The following ZCCHC24 variants were observed in gnomAD, a reference collection of about 807,000 sequenced individuals.
The protein encoded by ZCCHC24 is zinc finger CCHC-type containing 24.
ZCCHC24 carries 10 observed loss-of-function variants against 26.2 expected under a neutral mutation model. That is an observed-to-expected ratio of 0.38 (90% CI 0.24 to 0.65). The LOEUF (loss-of-function observed/expected upper bound fraction) is 0.65. Ranked by LOEUF, ZCCHC24 falls within the 30% of genes least tolerant of loss-of-function variation. The pLI is 0.54. For synonymous variants in ZCCHC24, 144 were observed against 147.1 expected (o/e 0.98, Z 0.15); for missense variants, 243 against 329.1 (o/e 0.74, Z 2.03).
intron 2 of ZCCHC24, among the ~76,000 whole-genome samples, chr10:79,410,991 C>T (rs1365490370): frequency 1.3e-5 from 2 of 152,174 alleles, no homozygotes; most frequent in Admixed American, 1.3e-4. Context: ...CATGGTTGCC[C>T]TGGCTCTGAC....
chr10:79,390,009 A>G (rs866880549), intron 3 of ZCCHC24, among the ~76,000 whole-genome samples: 1 of 152,292 alleles, frequency 6.6e-6, no homozygotes, highest in African/African-American at 2.4e-5. Flanking sequence ...GACCACAGGC[A>G]TGCACCACCA....
intron 2 of ZCCHC24, among the ~76,000 whole-genome samples, chr10:79,432,155 G>A (rs1469699771): frequency 6.6e-6 from 1 of 152,232 alleles, no homozygotes; most frequent in East Asian, 1.9e-4. Flanking sequence ...CTGGATTCCT[G>A]GCCCAGAGCC....
At chr10:79,398,042 C>T (rs537146337) in intron 2 of ZCCHC24, among the ~76,000 whole-genome samples, 8 of 152,212 alleles carry the variant, frequency 5.3e-5, no homozygotes, top group African/African-American at 7.2e-5. Flanking sequence ...GAAAAGCAGC[C>T]GTCTGGAGCC....
At chr10:79,427,358 A>T (rs1040024857) in intron 2 of ZCCHC24, among the ~76,000 whole-genome samples, 1 of 152,198 alleles carries the variant, frequency 6.6e-6, no homozygotes, top group South Asian at 2.1e-4. Flanking sequence ...GACATCTATA[A>T]AACACTCCAC....
intron 3 of ZCCHC24, among the ~76,000 whole-genome samples, chr10:79,392,264 C>T (rs1856489362): frequency 2.0e-5 from 3 of 152,180 alleles, no homozygotes. Flanking sequence ...AGGCTGATGC[C>T]TGCCACTGCA....
Position 79,384,899 on chromosome 10 carries a change from A to G in ZCCHC24, c.*1446T>C, listed in dbSNP as rs1283496798. 6.6e-6 allele frequency: 1 copy of G among 152,432 alleles called. No homozygotes were observed. The highest frequency in any genetic ancestry group is 1.5e-5 in the Non-Finnish European group (1 of 68,032). 9.4% of individuals were successfully genotyped at this position (152,432 alleles called of 1,614,324 possible). Reference sequence around the variant, plus strand: ...TGACAGCCGGGAGAAAGGAAGGGTCAAGACCATGGAAACGGGGCTTCTCAT... The same window carrying G: ...TGACAGCCGGGAGAAAGGAAGGGTCGAGACCATGGAAACGGGGCTTCTCAT... On this transcript the variant is annotated 3_prime_UTR_variant, in exon 4 of 4. Transcript: ENST00000372336.
chr10:79,409,043 G>T (rs376147412), intron 2 of ZCCHC24: 1 of 152,330 alleles, frequency 6.6e-6, no homozygotes, highest in South Asian at 2.1e-4. Flanking sequence ...TGTGATTTTC[G>T]TGGTGCCTGC....
chr10:79,394,254 G>A (rs1446013700), intron 3 of ZCCHC24, 22 bp downstream of exon 3: 1 of 1,607,936 alleles, frequency 6.2e-7, no homozygotes, highest in East Asian at 2.2e-5. Flanking sequence ...CTTCTGAGAA[G>A]GCCCCAGCCT....
intron 2 of ZCCHC24, chr10:79,403,633 T>A: frequency 1.0e-6 from 1 of 981,012 alleles, no homozygotes; most frequent in Non-Finnish European, 1.2e-6. Context: ...GGCCTCCTTG[T>A]CTGCGCACAG....
intron 2 of ZCCHC24, among the ~76,000 whole-genome samples, chr10:79,399,312 C>A (rs945504609): frequency 9.2e-5 from 14 of 152,208 alleles, no homozygotes; most frequent in Non-Finnish European, 1.5e-4. Flanking sequence ...TCACCACACA[C>A]CCCCCTGCCT....
chr10:79,409,738 C>T (rs1308263218), intron 2 of ZCCHC24, among the ~76,000 whole-genome samples: 6 of 152,226 alleles, frequency 3.9e-5, no homozygotes, highest in South Asian at 4.1e-4. Context: ...GTCCAGGGAA[C>T]GGGCTCAATA....
intron 1 of ZCCHC24, among the ~76,000 whole-genome samples, chr10:79,443,607 C>T (rs1172467794): frequency 6.6e-6 from 1 of 152,210 alleles, no homozygotes; most frequent in Non-Finnish European, 1.5e-5. Flanking sequence ...GGGTCCTGCC[C>T]AGAGCTCAAC....
intron 3 of ZCCHC24, among the ~76,000 whole-genome samples, chr10:79,390,705 C>T (rs1032985933): frequency 6.6e-6 from 1 of 152,202 alleles, no homozygotes; most frequent in Non-Finnish European, 1.5e-5. Flanking sequence ...TGGTGGAGGG[C>T]CTCCCCCACT....
At chr10:79,407,009 C>A (rs892534904) in intron 2 of ZCCHC24, among the ~76,000 whole-genome samples, 1 of 152,242 alleles carries the variant, frequency 6.6e-6, no homozygotes, top group Middle Eastern at 3.2e-3. Context: ...GCACTTCCTC[C>A]GGGAAGCCTC....
At chr10:79,434,122 C>T (rs936350813) in intron 1 of ZCCHC24, among the ~76,000 whole-genome samples, 1 of 152,238 alleles carries the variant, frequency 6.6e-6, no homozygotes, top group Non-Finnish European at 1.5e-5. Flanking sequence ...TTCTGGGACT[C>T]TGTTCCGTCT....
intron 1 of ZCCHC24, among the ~76,000 whole-genome samples, chr10:79,442,242 C>T (rs1008436602): frequency 6.6e-6 from 1 of 152,154 alleles, no homozygotes; most frequent in African/African-American, 2.4e-5. Flanking sequence ...TGCTTGTGTC[C>T]GCTTTGGCCT....
In ZCCHC24 at chr10:79,413,316, G is replaced by A. The variant is rs1856816032; in HGVS notation, c.448-18876C>T. Among the ~76,000 whole-genome samples the A allele has an allele frequency of 2.6e-5, 4 of 152,198 alleles. No homozygotes were observed. The South Asian group carries it at 8.3e-4, about 31-fold the overall frequency. ...AGGTCACACAGTGAGTGAGTGGCGG[G>A]ACCCCTCCCCACGCCTGACTCCAGC... On this transcript the variant is annotated intron_variant, in intron 2 of 3. Transcript: ENST00000372336.
intron 1 of ZCCHC24, among the ~76,000 whole-genome samples, chr10:79,440,956 G>A (rs916158194): frequency 7.9e-5 from 12 of 152,158 alleles, no homozygotes; most frequent in African/African-American, 2.4e-4. Flanking sequence ...CTCAAATGAC[G>A]GTCCTCCTTG....
At position 79,394,423 on chromosome 10, in the gene ZCCHC24, C is replaced by A; in HGVS notation, c.465G>T (p.Glu155Asp). Residue 155 changes from glutamate (E) to aspartate (D), a missense_variant, in exon 3 of 4, where the codon GAG (glutamate) becomes GAT (aspartate). Around this residue, in one of 2 missense-constraint regions of ZCCHC24, gnomAD observed 96 missense variants for 178.3 expected, o/e 0.54. Coordinates refer to ENST00000372336, the MANE Select transcript of ZCCHC24 (RefSeq NM_153367.4). Reference sequence around the variant, plus strand: ...TTTTGCCCTGGTATGGAGTCAGGCCCTCGCCTTTGGGGCGTGCCTACAGGG... The same window carrying A: ...TTTTGCCCTGGTATGGAGTCAGGCCATCGCCTTTGGGGCGTGCCTACAGGG... ...KDCPQARPKG[E>D]GLTPYQGKKR... 6.2e-7 allele frequency: 1 copy of A among 1,614,154 alleles called. No homozygotes were observed. Among genetic ancestry groups the A allele is most frequent in the Non-Finnish European group, 8.5e-7 (1 of 1,179,986 alleles).
Sources: allele counts gnomAD v4.1 joint callset (sites outside exome capture counted in the v4.1 genomes callset), GRCh38; gene constraint gnomAD v4.1.1; regional missense constraint gnomAD v4.1.1; transcripts MANE v1.5; gene names NCBI Gene and HGNC (gene_info 2026-07-23, HGNC 2026-07-21).